The following PARD3 variants were observed in gnomAD, a reference collection of about 807,000 sequenced individuals.
PARD3 encodes the protein par-3 family cell polarity regulator, also known as partitioning defective 3 homolog.
A neutral mutation model predicts 155.4 loss-of-function variants in PARD3; 75 were observed. That is an observed-to-expected ratio of 0.48 (90% confidence interval 0.40 to 0.58). PARD3 has a LOEUF of 0.58. Ranked by LOEUF, PARD3 falls within the 20% of genes least tolerant of loss-of-function variation. The pLI is 0.00. For missense variants in PARD3, 1,642 were observed against 1,721.7 expected (o/e 0.95, Z 0.82); for synonymous variants, 576 against 610.5 (o/e 0.94, Z 0.83).
At chr10:34,584,637 C>T (rs1049083787) in intron 2 of PARD3, among the ~76,000 whole-genome samples, 10 of 152,032 alleles carry the variant, frequency 6.6e-5, no homozygotes, top group East Asian at 1.9e-4. Context: ...AATTTTTAAG[C>T]GTCTCTGTGA....
intron 20 of PARD3, among the ~76,000 whole-genome samples, chr10:34,290,873 T>C (rs1956644605): frequency 6.6e-6 from 1 of 152,178 alleles, no homozygotes; most frequent in South Asian, 2.1e-4. Context: ...CAAAAGCACA[T>C]ACCCTGTCCT....
At chr10:34,204,344 C>A (rs1951362304) in intron 22 of PARD3, among the ~76,000 whole-genome samples, 1 of 152,158 alleles carries the variant, frequency 6.6e-6, no homozygotes, top group Non-Finnish European at 1.5e-5. Flanking sequence ...GACAAGATAA[C>A]CACCTTACAT....
intron 3 of PARD3, among the ~76,000 whole-genome samples, chr10:34,480,101 G>A (rs1422294532): frequency 1.3e-5 from 2 of 152,226 alleles, no homozygotes; most frequent in African/African-American, 4.8e-5. Flanking sequence ...CATAGAGCCT[G>A]GACAGTCAGT....
At chr10:34,713,266 A>T (rs1379461682) in intron 1 of PARD3, among the ~76,000 whole-genome samples, 1 of 152,082 alleles carries the variant, frequency 6.6e-6, no homozygotes, top group Non-Finnish European at 1.5e-5. Flanking sequence ...AAATAAAATA[A>T]ATTTTAAAAT....
At chr10:34,603,504 C>T (rs573261678) in intron 2 of PARD3, among the ~76,000 whole-genome samples, 2 of 152,228 alleles carry the variant, frequency 1.3e-5, no homozygotes, top group South Asian at 4.2e-4. Context: ...ACACATTGAA[C>T]AAGAGATGCT....
chr10:34,193,959 T>C (rs966630595), intron 22 of PARD3, among the ~76,000 whole-genome samples: 2 of 152,122 alleles, frequency 1.3e-5, no homozygotes, highest in African/African-American at 4.8e-5. Flanking sequence ...GCTCTGGAAA[T>C]AGATTTCCTA....
intron 5 of PARD3, among the ~76,000 whole-genome samples, chr10:34,443,604 G>A (rs1057314219): frequency 6.6e-6 from 1 of 152,090 alleles, no homozygotes; most frequent in Admixed American, 6.5e-5. Flanking sequence ...CAGAGTTCAT[G>A]AGACTTACTA....
intron 15 of PARD3, chr10:34,343,199 A>T (rs1042778870): frequency 4.9e-6 from 2 of 411,224 alleles, no homozygotes; most frequent in African/African-American, 4.4e-5. Flanking sequence ...TGGACAACTC[A>T]CCACTGACGA....
chr10:34,651,542 AC>A (rs1301402369), intron 2 of PARD3, among the ~76,000 whole-genome samples: 3 of 152,242 alleles, frequency 2.0e-5, no homozygotes, highest in Non-Finnish European at 4.4e-5. Context: ...TGCATTTTCT[AC>A]AGCCAACCGC....
chr10:34,339,361 A>C (rs540482953), intron 16 of PARD3, among the ~76,000 whole-genome samples: 2 of 152,294 alleles, frequency 1.3e-5, no homozygotes, highest in South Asian at 4.1e-4. Flanking sequence ...CGTCTCAAAA[A>C]AAAAACAAAA....
chr10:34,387,404 A>T (rs1842460252), intron 7 of PARD3, among the ~76,000 whole-genome samples: 1 of 152,164 alleles, frequency 6.6e-6, no homozygotes, highest in African/African-American at 2.4e-5. Flanking sequence ...AGTGTAACTT[A>T]TAAATCCTTT....
chr10:34,770,862 C>A (rs1432390357), intron 1 of PARD3, among the ~76,000 whole-genome samples: 1 of 152,124 alleles, frequency 6.6e-6, no homozygotes, highest in Non-Finnish European at 1.5e-5. Flanking sequence ...GAAAGGTGGG[C>A]AGCAAAGTGA....
At chr10:34,728,514 A>C in intron 1 of PARD3, among the ~76,000 whole-genome samples, 1 of 152,228 alleles carries the variant, frequency 6.6e-6, no homozygotes, top group East Asian at 1.9e-4. Context: ...ATGAATAATA[A>C]AAATGGAAAA....
At chr10:34,429,472 T>C (rs2075790120) in intron 5 of PARD3, among the ~76,000 whole-genome samples, 1 of 152,042 alleles carries the variant, frequency 6.6e-6, no homozygotes, top group African/African-American at 2.4e-5. Flanking sequence ...AATAGGTTAC[T>C]ACAGCCTCCA....
At chr10:34,428,573 T>A (rs1258377625) in intron 5 of PARD3, among the ~76,000 whole-genome samples, 2 of 152,304 alleles carry the variant, frequency 1.3e-5, no homozygotes, top group East Asian at 3.9e-4. Context: ...GTGCACAAAT[T>A]AATTCTTCAA....
intron 1 of PARD3, among the ~76,000 whole-genome samples, chr10:34,752,538 A>G (rs1004347975): frequency 3.2e-5 from 4 of 125,530 alleles, no homozygotes; most frequent in African/African-American, 1.3e-4. Flanking sequence ...TTGTGGGGAG[A>G]AAAAAAAAAA....
intron 3 of PARD3, among the ~76,000 whole-genome samples, chr10:34,494,826 T>C (rs1305317456): frequency 1.3e-5 from 2 of 152,164 alleles, no homozygotes; most frequent in African/African-American, 2.4e-5. Context: ...CATGCCTCAA[T>C]GGTTCTGCAT....
intron 20 of PARD3, among the ~76,000 whole-genome samples, chr10:34,291,540 A>C (rs1158523401): frequency 6.6e-6 from 1 of 152,208 alleles, no homozygotes; most frequent in Non-Finnish European, 1.5e-5. Context: ...AGCATGCAAG[A>C]CAGGTGTTAT....
At chr10:34,305,634 T>C (rs1328311245) in intron 20 of PARD3, among the ~76,000 whole-genome samples, 1 of 152,214 alleles carries the variant, frequency 6.6e-6, no homozygotes, top group African/African-American at 2.4e-5. Flanking sequence ...CAACATGGAA[T>C]GTTTAATCTG....
Sources: gnomAD v4.1 joint callset for allele counts (sites outside exome capture counted in the v4.1 genomes callset) on GRCh38, gnomAD v4.1.1 for gene constraint, MANE v1.5 for transcripts, NCBI Gene and HGNC (gene_info 2026-07-23, HGNC 2026-07-21) for gene names.